Variants in SEZ6L2 observed in about 807,000 individuals in gnomAD.
The protein encoded by SEZ6L2 is seizure related 6 homolog like 2, also known as seizure 6-like protein 2.
In SEZ6L2, 44 loss-of-function variants were observed where a neutral mutation model predicts 97.0. The observed-to-expected ratio is 0.45, with a 90% CI of 0.36 to 0.58. SEZ6L2 has a LOEUF of 0.58. Ranked by LOEUF, SEZ6L2 falls within the 20% of genes least tolerant of loss-of-function variation. The pLI is 0.00. For synonymous variants in SEZ6L2, 543 were observed against 546.1 expected (o/e 0.99, Z 0.08); for missense variants, 1,086 against 1,233.3 (o/e 0.88, Z 1.79).
intron 8 of SEZ6L2, among the ~76,000 whole-genome samples, chr16:29,881,525 G>T (rs2068028842): frequency 6.6e-6 from 1 of 150,978 alleles, no homozygotes; most frequent in South Asian, 2.1e-4. Flanking sequence ...GTGAACATTT[G>T]TAGAGCATTT....
At chr16:29,885,449 G>T in intron 8 of SEZ6L2, 137 bp downstream of exon 8, 2 of 900,800 alleles carry the variant, frequency 2.2e-6, no homozygotes, top group Non-Finnish European at 1.7e-6. Flanking sequence ...CAGTTTTGGG[G>T]CAGGGAAGCG....
chr16:29,877,373 G>C lies in SEZ6L2; in HGVS notation c.1807C>G (p.Arg603Gly), dbSNP rs2067929026. 3 of 1,613,472 alleles carry C rather than the reference G, an allele frequency of 1.9e-6. No homozygotes were observed. Residue 603 changes from arginine (R) to glycine (G), a missense_variant, in exon 11 of 18, where the codon CGC becomes GGC. Transcript: ENST00000617533. ...TCGGGCCCAGAGGAGAGAAGGCGGC[G>C]GCGCGGCTGAGGTCCCCGCAGCTGG... Reference protein sequence around the residue: ...LAQLRGPQPRRRLLSSGPDLT... With the variant: ...LAQLRGPQPRGRLLSSGPDLT...
chr16:29,878,770 T>C lies in SEZ6L2; in HGVS notation c.1574-345A>G, dbSNP rs576539431. ...TATTTTTTTTTCTTTTTTCTTTTTT[T>C]TTTTTTTTGTATTTTTAGTAGAGAC... On this transcript the variant is annotated intron_variant, in intron 9 of 17. Transcript: ENST00000617533. Among the ~76,000 whole-genome samples the C allele has an allele frequency of 4.3e-4, 64 of 148,924 alleles. No homozygotes were observed. In the South Asian group the frequency reaches 9.8e-3, roughly 23 times the overall value.
intron 8 of SEZ6L2, among the ~76,000 whole-genome samples, chr16:29,881,926 G>A (rs535384579): frequency 0.019 from 2,777 of 143,846 alleles, 97 homozygotes; most frequent in African/African-American, 0.07. Flanking sequence ...CACCATACCC[G>A]GCCTTTTTTT....
chr16:29,872,593 C>T (rs1309660939), intron 15 of SEZ6L2, 67 bp from the exon 16 acceptor site: 2 of 1,599,900 alleles, frequency 1.3e-6, no homozygotes, highest in African/African-American at 1.3e-5. Flanking sequence ...AGCCTCCTGC[C>T]CTGGGCCTCA....
chr16:29,895,171 T>G, intron 5 of SEZ6L2, 88 bp downstream of exon 5: 1 of 1,124,892 alleles, frequency 8.9e-7, no homozygotes, highest in South Asian at 1.5e-5. Context: ...AGAGCAAGAC[T>G]CTGTCTCAAA....
intron 2 of SEZ6L2, 95 bp from the exon 3 acceptor site, chr16:29,897,216 A>G (rs1254877629): frequency 1.8e-6 from 2 of 1,123,348 alleles, no homozygotes; most frequent in African/African-American, 1.6e-5. Flanking sequence ...TTCCCCTGCC[A>G]TACCACAAAA....
Position 29,887,772 on chromosome 16 carries a change from A to ATTGTG in SEZ6L2, c.1084_1085insCACAA (p.Val362AlafsTer11), listed in dbSNP as rs2068179091. ...TACGGCTCCCCCAGGCTCTGGGGACACGATGCGGCCCAGGGTGGCATTGTG... is the reference window on the plus strand; with the variant it reads ...TACGGCTCCCCCAGGCTCTGGGGACATTGTGCGATGCGGCCCAGGGTGGCATTGTG... On this transcript the variant is annotated frameshift_variant, in exon 7 of 18. Coordinates refer to ENST00000617533, the MANE Select transcript of SEZ6L2 (RefSeq NM_001243332.2). LOFTEE classifies it high-confidence loss of function. The ATTGTG allele has an allele frequency of 6.2e-7, 1 of 1,613,760 alleles. No homozygotes were observed. Among genetic ancestry groups the ATTGTG allele is most frequent in the Admixed American group, 1.7e-5 (1 of 59,970 alleles).
chr16:29,888,261 C>T (rs188093863), intron 6 of SEZ6L2, among the ~76,000 whole-genome samples: 8 of 152,162 alleles, frequency 5.3e-5, no homozygotes, highest in South Asian at 2.1e-4. Flanking sequence ...AGGATGAGGA[C>T]GCTACCCCAG....
At chr16:29,871,761 G>A (rs2067787448) in intron 17 of SEZ6L2, 33 bp from the exon 18 acceptor site, 1 of 1,598,866 alleles carries the variant, frequency 6.3e-7, no homozygotes. Flanking sequence ...AGTTGTTGGA[G>A]TCTGATAGGG....
chr16:29,895,819 C>T lies in SEZ6L2; in HGVS notation c.553G>A (p.Glu185Lys). Residue 185 changes from glutamate (E) to lysine (K), a missense_variant, in exon 4 of 18, where the codon GAG (glutamate) becomes AAG (lysine). Coordinates refer to ENST00000617533, the MANE Select transcript of SEZ6L2 (RefSeq NM_001243332.2). ...ACGGGGCTCCCCAGATCTGGAGACT[C>T]CACATACCCTTCGCCCTCGGAGATG... ...NNISEGEGYV[E>K]SPDLGSPVSR... The T allele has an allele frequency of 6.2e-7, 1 of 1,614,032 alleles. No homozygotes were observed. Among genetic ancestry groups the T allele is most frequent in the Non-Finnish European group, 8.5e-7 (1 of 1,179,978 alleles).
At chr16:29,896,038 C>T (rs1002947170) in intron 3 of SEZ6L2, among the ~76,000 whole-genome samples, 178 bp from the exon 4 acceptor site, 4 of 152,190 alleles carry the variant, frequency 2.6e-5, no homozygotes, top group African/African-American at 9.7e-5. Context: ...TCATGGCTCA[C>T]TGCAGTCTCA....
At chr16:29,884,110 A>T (rs1198152129) in intron 8 of SEZ6L2, among the ~76,000 whole-genome samples, 1 of 152,054 alleles carries the variant, frequency 6.6e-6, no homozygotes, top group Non-Finnish European at 1.5e-5. Flanking sequence ...CCACTAGGTT[A>T]AGTTGGAGCC....
At chr16:29,893,122 C>A (rs547061367) in intron 5 of SEZ6L2, among the ~76,000 whole-genome samples, 1 of 152,034 alleles carries the variant, frequency 6.6e-6, no homozygotes, top group East Asian at 1.9e-4. Context: ...GTCGGGAGTT[C>A]GAGACCAGCC....
chr16:29,871,748 G>A lies in SEZ6L2; in HGVS notation c.2743-20C>T, dbSNP rs1596952820. ...CGTATCCTGAAGACAGAGAGATCAG[G>A]TCAGTTGTTGGAGTCTGATAGGGGT... On this transcript the variant is annotated intron_variant, in intron 17 of 17. Transcript: ENST00000617533. The A allele has an allele frequency of 6.2e-7, 1 of 1,604,748 alleles. No homozygotes were observed. Among genetic ancestry groups the A allele is most frequent in the Non-Finnish European group, 8.5e-7 (1 of 1,175,520 alleles).
intron 1 of SEZ6L2, 42 bp from the exon 2 acceptor site, chr16:29,898,026 C>G (rs946988168): frequency 6.2e-7 from 1 of 1,609,050 alleles, no homozygotes; most frequent in African/African-American, 1.3e-5. Context: ...TTCCCCACAC[C>G]CCTTCCTTCT....
Position 29,876,671 on chromosome 16 carries a change from G to A in SEZ6L2, c.2104+85C>T. 1 of 1,277,104 alleles carries A rather than the reference G, an allele frequency of 7.8e-7. No homozygotes were observed. The highest frequency in any genetic ancestry group is 1.1e-6 in the Non-Finnish European group (1 of 947,670). 79.1% of individuals were successfully genotyped at this position (1,277,104 alleles called of 1,614,324 possible). Reference sequence around the variant, plus strand: ...CGAGCGAAGGGATGGAACCCAGAAAGCACGGGGGTCGGGACAGGACAGGCC... The same window carrying A: ...CGAGCGAAGGGATGGAACCCAGAAAACACGGGGGTCGGGACAGGACAGGCC... On this transcript the variant is annotated intron_variant, in intron 12 of 17. Transcript: ENST00000617533. The surrounding 1 kb of genome is among the most constrained non-coding windows in gnomAD (Gnocchi z 6.5).
At chr16:29,874,550 GTTTTTTTTTTTTTTTTTTTTTTT>G (rs541095994) in intron 12 of SEZ6L2, among the ~76,000 whole-genome samples, 4 of 32,570 alleles carry the variant, frequency 1.2e-4, no homozygotes, top group South Asian at 1.7e-3. Flanking sequence ...GTGTGTGCTT[GTTTTTTTTTTTTTTTTTTTTTTT>G]TTTTTTTTTT....
chr16:29,886,150 C>G (rs2150800146), intron 7 of SEZ6L2: 1 of 156,008 alleles, frequency 6.4e-6, no homozygotes, highest in South Asian at 2.0e-4. Flanking sequence ...GGTGGATCAC[C>G]TGAAGTCAAG....
Sources: allele counts gnomAD v4.1 joint callset (sites outside exome capture counted in the v4.1 genomes callset), GRCh38; gene constraint gnomAD v4.1.1; non-coding constraint Gnocchi (gnomAD v3.1); transcripts MANE v1.5; gene names NCBI Gene and HGNC (gene_info 2026-07-23, HGNC 2026-07-21).